The following RUNDC3B variants were observed in gnomAD, a reference collection of about 807,000 sequenced individuals.
The protein encoded by RUNDC3B is RUN domain-containing protein 3B.
A neutral mutation model predicts 58.4 loss-of-function variants in RUNDC3B; 33 were observed. The ratio of observed to expected loss-of-function variants is 0.56; its 90% CI spans 0.43 to 0.75. The LOEUF (loss-of-function observed/expected upper bound fraction) is 0.75. RUNDC3B is among the 30% of genes least tolerant of loss of function. RUNDC3B has a pLI of 0.00. For missense variants in RUNDC3B, 501 were observed against 535.7 expected (o/e 0.94, Z 0.64); for synonymous variants, 193 against 195.2 (o/e 0.99, Z 0.10).
At chr7:87,664,426 CAGA>C (rs1825026712) in intron 2 of RUNDC3B, among the ~76,000 whole-genome samples, 2 of 152,092 alleles carry the variant, frequency 1.3e-5, no homozygotes, top group Admixed American at 1.3e-4. Flanking sequence ...CAAAGGAATA[CAGA>C]TGCTTATTGT....
At chr7:87,671,480 T>C (rs1261307216) in intron 2 of RUNDC3B, among the ~76,000 whole-genome samples, 1 of 152,106 alleles carries the variant, frequency 6.6e-6, no homozygotes, top group African/African-American at 2.4e-5. Flanking sequence ...CAATTTTCCA[T>C]AGGGCTGCTG....
At chr7:87,668,840 T>A (rs1825538221) in intron 2 of RUNDC3B, among the ~76,000 whole-genome samples, 3 of 152,018 alleles carry the variant, frequency 2.0e-5, no homozygotes, top group African/African-American at 7.2e-5. Context: ...GATCCAAGAG[T>A]GTGTTTGGTA....
At chr7:87,783,796 T>C (rs1835068522) in intron 8 of RUNDC3B, among the ~76,000 whole-genome samples, 1 of 152,246 alleles carries the variant, frequency 6.6e-6, no homozygotes, top group South Asian at 2.1e-4. Flanking sequence ...TTGACTGGTA[T>C]TTCTTTTCTT....
chr7:87,732,249 C>A (rs56208559), intron 4 of RUNDC3B, among the ~76,000 whole-genome samples: 2,150 of 151,884 alleles, frequency 0.014, 54 homozygotes, highest in African/African-American at 0.049. Flanking sequence ...TGTGGTATTC[C>A]TCAAAAGCAG....
chr7:87,649,306 C>A (rs1434785533), intron 1 of RUNDC3B, among the ~76,000 whole-genome samples: 1 of 152,108 alleles, frequency 6.6e-6, no homozygotes, highest in Non-Finnish European at 1.5e-5. Flanking sequence ...ATAGAGCTTA[C>A]AAATAAATCA....
intron 8 of RUNDC3B, among the ~76,000 whole-genome samples, chr7:87,792,670 A>T (rs540225050): frequency 6.6e-6 from 1 of 152,180 alleles, no homozygotes; most frequent in South Asian, 2.1e-4. Context: ...ATGTTAATGG[A>T]AGCAGAACAT....
In RUNDC3B at chr7:87,689,155, A is replaced by G. The variant is rs542637353; in HGVS notation, c.239-11266A>G. The stretch of plus-strand genomic sequence containing the variant: ...CTATGAAAAGAGTTAAATAAATTCT[A>G]TTATTGATAAAATTATCTGAGATTT... On this transcript the variant is annotated intron_variant, in intron 2 of 10. Coordinates refer to ENST00000394654, the MANE Select transcript of RUNDC3B (RefSeq NM_001134405.2). Among the ~76,000 whole-genome samples, 10 of 152,212 alleles carry G rather than the reference A, an allele frequency of 6.6e-5. No individual in the cohort carries two copies. In the South Asian group the frequency reaches 1.9e-3, roughly 28 times the overall value.
At chr7:87,815,597 A>G (rs1836985428) in intron 9 of RUNDC3B, among the ~76,000 whole-genome samples, 1 of 152,098 alleles carries the variant, frequency 6.6e-6, no homozygotes, top group Non-Finnish European at 1.5e-5. Flanking sequence ...AATCGTCTTG[A>G]TGTATATTAA....
intron 2 of RUNDC3B, among the ~76,000 whole-genome samples, chr7:87,663,783 T>G (rs1192822197): frequency 6.6e-6 from 1 of 152,110 alleles, no homozygotes; most frequent in African/African-American, 2.4e-5. Flanking sequence ...GGATGAGAAG[T>G]CCAAGATCAA....
chr7:87,784,820 C>A (rs1835121277), intron 8 of RUNDC3B, among the ~76,000 whole-genome samples: 1 of 151,782 alleles, frequency 6.6e-6, no homozygotes, highest in Non-Finnish European at 1.5e-5. Flanking sequence ...TTGGGGGAAC[C>A]CCTCCTATCA....
intron 8 of RUNDC3B, among the ~76,000 whole-genome samples, chr7:87,804,947 A>G (rs570181342): frequency 2.6e-5 from 4 of 152,274 alleles, no homozygotes; most frequent in Admixed American, 2.6e-4. Flanking sequence ...AACTGGGTAT[A>G]TTTCACTTGT....
At chr7:87,746,852 C>T (rs1832671209) in intron 6 of RUNDC3B, among the ~76,000 whole-genome samples, 1 of 152,156 alleles carries the variant, frequency 6.6e-6, no homozygotes, top group Non-Finnish European at 1.5e-5. Flanking sequence ...ATTCATTGTG[C>T]TCTTTGTTGC....
At chr7:87,783,517 G>T (rs1349834468) in intron 8 of RUNDC3B, among the ~76,000 whole-genome samples, 2 of 151,998 alleles carry the variant, frequency 1.3e-5, no homozygotes, top group Admixed American at 6.6e-5. Context: ...GGTTAATATC[G>T]CTATGTGATG....
At chr7:87,768,869 G>T (rs181927868) in intron 6 of RUNDC3B, among the ~76,000 whole-genome samples, 1 of 151,144 alleles carries the variant, frequency 6.6e-6, no homozygotes, top group African/African-American at 2.4e-5. Flanking sequence ...ACTGGCATCT[G>T]ATGTATCTAG....
intron 8 of RUNDC3B, among the ~76,000 whole-genome samples, chr7:87,792,728 A>G (rs1835592288): frequency 6.6e-6 from 1 of 152,104 alleles, no homozygotes; most frequent in African/African-American, 2.4e-5. Context: ...AGGGAACTTC[A>G]TACCTATAAG....
At chr7:87,822,592 T>C (rs1837537213) in intron 10 of RUNDC3B, among the ~76,000 whole-genome samples, 2 of 152,196 alleles carry the variant, frequency 1.3e-5, no homozygotes, top group South Asian at 4.1e-4. Context: ...TGCACACATA[T>C]GTTTATAGCG....
chr7:87,666,819 G>T (rs1239748382), intron 2 of RUNDC3B, among the ~76,000 whole-genome samples: 1 of 151,828 alleles, frequency 6.6e-6, no homozygotes, highest in Non-Finnish European at 1.5e-5. Context: ...CTTATTTCTG[G>T]GCTCTCTATT....
chr7:87,805,066 A>G (rs1836366092), intron 8 of RUNDC3B, among the ~76,000 whole-genome samples: 1 of 152,186 alleles, frequency 6.6e-6, no homozygotes, highest in Admixed American at 6.5e-5. Context: ...GGATAGAAAG[A>G]CTGGATAAAT....
At chr7:87,815,147 A>C (rs537335918) in intron 9 of RUNDC3B, among the ~76,000 whole-genome samples, 1 of 152,152 alleles carries the variant, frequency 6.6e-6, no homozygotes, top group Non-Finnish European at 1.5e-5. Flanking sequence ...ACTACATATA[A>C]GCATTCAAAT....
Sources: allele counts gnomAD v4.1 joint callset (sites outside exome capture counted in the v4.1 genomes callset), GRCh38; gene constraint gnomAD v4.1.1; transcripts MANE v1.5; gene names NCBI Gene and HGNC (gene_info 2026-07-23, HGNC 2026-07-21).